Variants in GTF2A1L observed in about 807,000 individuals in gnomAD.
The protein encoded by GTF2A1L is general transcription factor IIA subunit 1 like.
In GTF2A1L, 48 loss-of-function variants were observed where a neutral mutation model predicts 49.7. The ratio of observed to expected loss-of-function variants is 0.97; its 90% CI spans 0.77 to 1.23. The LOEUF is 1.23. Among genes scored for constraint, GTF2A1L ranks in the 50% most tolerant of loss-of-function variants. GTF2A1L has a pLI of 0.00. For missense variants in GTF2A1L, 736 were observed against 564.8 expected (o/e 1.30, Z -3.07); for synonymous variants, 246 against 193.5 (o/e 1.27, Z -2.25).
At chr2:48,663,946 T>C (rs1678663057) in intron 6 of GTF2A1L, among the ~76,000 whole-genome samples, 1 of 152,246 alleles carries the variant, frequency 6.6e-6, no homozygotes, top group Admixed American at 6.5e-5. Context: ...AATTTCTAAT[T>C]GTTTATTGCT....
rs1572731652 is a variant in GTF2A1L at position 48,646,800 on chromosome 2, G to A, written c.736G>A (p.Gly246Ser). The change falls in exon 6 of 9, where the codon GGT becomes AGT. Residue 246 changes from glycine to serine, a missense_variant. By Grantham distance (56) the Gly-to-Ser change is moderately conservative (BLOSUM62 0). Transcript: ENST00000403751. ...QESSHYISLP[G>S]VVFSPQVSQT... ...AAGTTCTCACTATATCAGTCTTCCA[G>A]GTGTTGTATTTTCTCCACAGGTCTC... 1.9e-6 allele frequency: 3 copies of A among 1,614,150 alleles called. No individual in the cohort carries two copies. In the South Asian group the frequency reaches 3.3e-5, roughly 18 times the overall value.
chr2:48,670,191 G>A lies in GTF2A1L; in HGVS notation c.1239+209G>A, dbSNP rs374707933. On this transcript the variant is annotated intron_variant, in intron 7 of 8. Transcript: ENST00000403751. The stretch of plus-strand genomic sequence containing the variant: ...GTGGATCATTTGAGGTTTGGAGTTC[G>A]AGGCCAGCTTGGGCCAACATGGTGA... Among the ~76,000 whole-genome samples, 98 of 152,160 alleles carry A rather than the reference G, an allele frequency of 6.4e-4. 1 individual carries two copies. Among genetic ancestry groups the A allele is most frequent in the African/African-American group, 2.1e-3 (86 of 41,528 alleles).
chr2:48,674,490 A>T (rs1679356501), intron 8 of GTF2A1L, among the ~76,000 whole-genome samples: 1 of 152,184 alleles, frequency 6.6e-6, no homozygotes, highest in African/African-American at 2.4e-5. Flanking sequence ...CTCCACTATA[A>T]CATTTTATAC....
intron 1 of GTF2A1L, among the ~76,000 whole-genome samples, chr2:48,618,743 T>C (rs1675807229): frequency 6.6e-6 from 1 of 152,202 alleles, no homozygotes; most frequent in South Asian, 2.1e-4. Flanking sequence ...ATTTATCTGA[T>C]TGTGAATTCT....
intron 3 of GTF2A1L, among the ~76,000 whole-genome samples, chr2:48,641,516 A>G (rs185901377): frequency 6.6e-6 from 1 of 152,316 alleles, no homozygotes; most frequent in Admixed American, 6.5e-5. Flanking sequence ...TTACATTAAC[A>G]TATAAACATG....
rs753862601 is a variant in GTF2A1L, at chr2:48,642,383, T to C, written c.248-19T>C. ...TGGTAAATTCTAATGAATGTATATTTATTTTGTTTCCTATGCAGCATCATT... is the reference window on the plus strand; with the variant it reads ...TGGTAAATTCTAATGAATGTATATTCATTTTGTTTCCTATGCAGCATCATT... On this transcript the variant is annotated intron_variant, in intron 3 of 8. Coordinates refer to ENST00000403751, the MANE Select transcript of GTF2A1L (RefSeq NM_006872.5). 1.9e-6 allele frequency: 3 copies of C among 1,555,382 alleles called. No homozygotes were observed. The Admixed American group carries it at 5.1e-5, about 27-fold the overall frequency.
chr2:48,629,923 C>T (rs1244401603), intron 3 of GTF2A1L, among the ~76,000 whole-genome samples: 1 of 143,686 alleles, frequency 7.0e-6, no homozygotes, highest in Non-Finnish European at 1.6e-5. Flanking sequence ...GATCAGATGG[C>T]TGTAGGTGTG....
At chr2:48,672,764 A>G (rs1205968198) in intron 8 of GTF2A1L, among the ~76,000 whole-genome samples, 1 of 152,238 alleles carries the variant, frequency 6.6e-6, no homozygotes, top group African/African-American at 2.4e-5. Flanking sequence ...ATATTCTTAA[A>G]GTGGCTTTGA....
intron 3 of GTF2A1L, among the ~76,000 whole-genome samples, chr2:48,630,333 T>C (rs1205243274): frequency 1.4e-5 from 2 of 143,918 alleles, no homozygotes; most frequent in African/African-American, 2.5e-5. Flanking sequence ...GATCTTTCCC[T>C]TCCTTGAGTA....
rs139924605 is a variant in GTF2A1L, at chr2:48,651,681, C to T, written c.978+4639C>T. 4.1e-3 allele frequency among the ~76,000 whole-genome samples: 618 copies of T among 152,114 alleles called. 2 individuals are homozygous for T. Among genetic ancestry groups the T allele is most frequent in the Non-Finnish European group, 6.3e-3 (427 of 67,982 alleles). On this transcript the variant is annotated intron_variant, in intron 6 of 8. Transcript: ENST00000403751. ...ATAAAACTCAAATATATTAGAGCCACGGTTTTGAATTATTGTGTTTCCCAA... is the reference window on the plus strand; with the variant it reads ...ATAAAACTCAAATATATTAGAGCCATGGTTTTGAATTATTGTGTTTCCCAA...
rs550127632 is a variant in GTF2A1L, at chr2:48,617,913, C to T, written c.21+18C>T. ...ACCCGGTGGTAAGGAAGACCTCAGG[C>T]TCTGTGTAGAGGGAGCGCCCTGGGA... On this transcript the variant is annotated intron_variant, in intron 1 of 8. Coordinates refer to ENST00000403751, the MANE Select transcript of GTF2A1L (RefSeq NM_006872.5). The T allele has an allele frequency of 2.3e-5, 36 of 1,551,612 alleles. No homozygotes were observed. The African/African-American group carries it at 3.3e-4, about 14-fold the overall frequency.
intron 6 of GTF2A1L, among the ~76,000 whole-genome samples, chr2:48,651,682 G>C (rs987496296): frequency 6.6e-6 from 1 of 152,024 alleles, no homozygotes; most frequent in Admixed American, 6.5e-5. Flanking sequence ...TTAGAGCCAC[G>C]GTTTTGAATT....
intron 6 of GTF2A1L, among the ~76,000 whole-genome samples, chr2:48,656,165 T>G (rs34625949): frequency 1.1e-4 from 16 of 151,946 alleles, no homozygotes; most frequent in Non-Finnish European, 2.1e-4. Flanking sequence ...TCTCTTCAAA[T>G]TCCTGTCTTT....
rs1425059592 is a variant in GTF2A1L at position 48,666,366 on chromosome 2, C to T, written c.979-3356C>T. Among the ~76,000 whole-genome samples the T allele has an allele frequency of 2.6e-5, 4 of 152,058 alleles. No individual in the cohort carries two copies. In the East Asian group the frequency reaches 7.7e-4, roughly 29 times the overall value. The stretch of plus-strand genomic sequence containing the variant: ...GATTACAGGCATGTGCCACCACGCC[C>T]AGCTAATTTTTAAAAAACATTTTTA... On this transcript the variant is annotated intron_variant, in intron 6 of 8. Coordinates refer to ENST00000403751, the MANE Select transcript of GTF2A1L (RefSeq NM_006872.5).
Position 48,646,884 on chromosome 2 carries a change from C to G in GTF2A1L, c.820C>G (p.Leu274Val), listed in dbSNP as rs1339325871. 4 of 1,614,094 alleles carry G rather than the reference C, an allele frequency of 2.5e-6. No individual in the cohort carries two copies. Among genetic ancestry groups the G allele is most frequent in the South Asian group, 2.2e-5 (2 of 91,094 alleles). ...LSGSASMAQN[L>V]HDESLSTSPH... ...TGGTTCAGCTAGCATGGCTCAAAAT[C>G]TGCATGATGAGTCCCTCTCCACAAG... is the stretch of plus-strand genomic sequence containing the variant. Residue 274 changes from leucine (L) to valine (V), a missense_variant, in exon 6 of 9, where the codon CTG (leucine) becomes GTG (valine). Leu to Val is a conservative substitution (Grantham distance 32). Coordinates refer to ENST00000403751, the MANE Select transcript of GTF2A1L (RefSeq NM_006872.5).
chr2:48,653,514 A>G (rs1266477201), intron 6 of GTF2A1L, among the ~76,000 whole-genome samples: 1 of 152,310 alleles, frequency 6.6e-6, no homozygotes, highest in African/African-American at 2.4e-5. Flanking sequence ...ATCATGCAGC[A>G]TGCATTTTTA....
At chr2:48,630,934 A>G (rs751660054) in intron 3 of GTF2A1L, among the ~76,000 whole-genome samples, 3 of 152,126 alleles carry the variant, frequency 2.0e-5, no homozygotes, top group Non-Finnish European at 2.9e-5. Context: ...ATTGATTTGC[A>G]TATGTTGAAC....
chr2:48,674,740 C>T (rs1471572274), intron 8 of GTF2A1L, among the ~76,000 whole-genome samples: 1 of 151,942 alleles, frequency 6.6e-6, no homozygotes, highest in African/African-American at 2.4e-5. Context: ...TGGGAGATAC[C>T]TTGTAATTAA....
chr2:48,636,955 G>A (rs1323328043), intron 3 of GTF2A1L, among the ~76,000 whole-genome samples: 1 of 152,124 alleles, frequency 6.6e-6, no homozygotes, highest in Non-Finnish European at 1.5e-5. Flanking sequence ...GAAGGGAAGG[G>A]AGGAACAGGG....
Sources: gnomAD v4.1 joint callset for allele counts (sites outside exome capture counted in the v4.1 genomes callset) on GRCh38, gnomAD v4.1.1 for gene constraint, MANE v1.5 for transcripts, NCBI Gene and HGNC (gene_info 2026-07-23, HGNC 2026-07-21) for gene names.